The following TRO variants were observed in gnomAD, a reference collection of about 807,000 sequenced individuals.
TRO encodes trophinin.
A neutral mutation model predicts 42.3 loss-of-function variants in TRO; 29 were observed. The ratio of observed to expected loss-of-function variants is 0.68; its 90% CI spans 0.51 to 0.93. The LOEUF (loss-of-function observed/expected upper bound fraction) is 0.93, where lower values mean the gene tolerates loss of function less well. Ranked by LOEUF, TRO falls within the 40% of genes least tolerant of loss-of-function variation. TRO has a pLI of 0.00. For synonymous variants in TRO, 384 were observed against 425.2 expected, an observed-to-expected ratio of 0.90 and a Z score of 1.19; for missense variants, 963 against 1,127.7, an observed-to-expected ratio of 0.85 and a Z score of 2.09.
Position 54,928,605 on chromosome X carries a change from G to A in TRO, c.1881G>A (p.Val627=). ...KMKVLKFACR[V]QKKDPKDWAV... is the part of the protein sequence containing the mutation. ...TATGATTATCATCCCCATTTCAGGT[G>A]CAGAAGAAAGACCCCAAGGACTGGG... is the stretch of plus-strand genomic sequence containing the variant. Residue 627 remains valine, a splice_region_variant and synonymous_variant, in exon 12 of 13, where the codon GTG becomes GTA. Coordinates refer to ENST00000173898, the MANE Select transcript of TRO (RefSeq NM_001039705.3). The A allele has an allele frequency of 1.7e-6, 2 of 1,143,997 alleles. No homozygotes were observed. Among genetic ancestry groups the A allele is most frequent in the African/African-American group, 1.8e-5 (1 of 55,171 alleles). 94.3% of individuals were successfully genotyped at this position (1,143,997 alleles called of 1,213,427 possible). A position where few individuals can be genotyped will look rare whatever the true frequency, so the allele number is the denominator to read the frequency against.
At position 54,929,606 on chromosome X, in the gene TRO, G is replaced by A. The variant is rs1483980421; in HGVS notation, c.2882G>A (p.Gly961Asp). 4 of 1,211,376 alleles carry A rather than the reference G, an allele frequency of 3.3e-6. No homozygotes were observed. The highest frequency in any genetic ancestry group is 4.5e-6 in the Non-Finnish European group (4 of 895,225). ...GTLSTSICFD[G>D]SPSTGAGFGG... Reference sequence around the variant, plus strand: ...CTAAGTACCAGCATCTGCTTTGATGGCTCTCCCAGCACTGGTGCTGGCTTT... The same window carrying A: ...CTAAGTACCAGCATCTGCTTTGATGACTCTCCCAGCACTGGTGCTGGCTTT... The change falls in exon 12 of 13, where the codon GGC (glycine) becomes GAC (aspartate). Residue 961 changes from glycine (G) to aspartate (D), a missense_variant. Around this residue, in one of 2 missense-constraint regions of TRO, gnomAD observed 641 missense variants for 811.3 expected, o/e 0.79. Transcript: ENST00000173898.
chrX:54,924,605 C>T, intron 4 of TRO, 50 bp downstream of exon 4: 1 of 1,198,139 alleles, frequency 8.3e-7, no homozygotes, highest in Non-Finnish European at 1.1e-6. Flanking sequence ...TTGCCCTCTT[C>T]TCTGCCTCCT....
In TRO at chrX:54,929,298, CT is replaced by C. The variant is rs1316712451; in HGVS notation, c.2577del (p.Phe859LeufsTer95). 1 of 1,210,953 alleles carries C rather than the reference CT, an allele frequency of 8.3e-7. No individual in the cohort carries two copies. Among genetic ancestry groups the C allele is most frequent in the African/African-American group, 1.7e-5 (1 of 57,512 alleles). ...FGGTLSTTAG[F>X]SGVLSTSTSF... ...GAGGCACACTCAGCACCACGGCTGG[CT>C]TTAGTGGTGTACTCAGCACTAGCAC... is the stretch of plus-strand genomic sequence containing the variant. On this transcript the variant is annotated frameshift_variant, in exon 12 of 13. Transcript: ENST00000173898. LOFTEE classifies it low-confidence loss of function (END_TRUNC).
In TRO at chrX:54,925,605, A is replaced by G. The variant is rs746514166; in HGVS notation, c.1499A>G (p.Asn500Ser). 8.3e-7 allele frequency: 1 copy of G among 1,210,331 alleles called. No individual in the cohort carries two copies. Among genetic ancestry groups the G allele is most frequent in the Non-Finnish European group, 1.1e-6 (1 of 894,438 alleles). The part of the protein sequence containing the change: ...SYTLEKMFRV[N>S]LKEIDKQSSL... ...TTTACTTGGCAGATGTTTCGAGTCAATCTGAAAGAAATTGATAAGCAAAGT... is the reference window on the plus strand; with the variant it reads ...TTTACTTGGCAGATGTTTCGAGTCAGTCTGAAAGAAATTGATAAGCAAAGT... Residue 500 changes from asparagine to serine, a missense_variant, in exon 7 of 13, where the codon AAT (asparagine) becomes AGT (serine). By Grantham distance (46) the Asn-to-Ser change is conservative. This residue lies in a region of TRO where 641 missense variants were observed against 811.3 expected (regional missense o/e 0.79). Coordinates refer to ENST00000173898, the MANE Select transcript of TRO (RefSeq NM_001039705.3).
At chrX:54,921,479 C>T (rs1025555627) in intron 1 of TRO, 6 of 109,375 alleles carry the variant, frequency 5.5e-5, no homozygotes, top group African/African-American at 2.0e-4. Flanking sequence ...GTGAGGTATT[C>T]ATGTTGCAGA....
chrX:54,926,264 TG>T, intron 7 of TRO, 145 bp from the exon 8 acceptor site: 1 of 546,872 alleles, frequency 1.8e-6, no homozygotes. Flanking sequence ...AAGCAGAGAC[TG>T]GGCAGAATTC....
At chrX:54,928,575 C>G (rs749317897) in intron 11 of TRO, 28 bp from the exon 12 acceptor site, 6 of 1,136,588 alleles carry the variant, frequency 5.3e-6, no homozygotes, top group Non-Finnish European at 5.8e-6. Flanking sequence ...GGGTTGTTTT[C>G]TTATTATGAT....
chrX:54,923,881 G>C, intron 3 of TRO, 113 bp downstream of exon 3: 1 of 800,555 alleles, frequency 1.2e-6, no homozygotes, highest in Non-Finnish European at 1.8e-6. Context: ...CCTGTGTTCA[G>C]ATAGGCTGTG....
intron 3 of TRO, 66 bp from the exon 4 acceptor site, chrX:54,924,385 G>A: frequency 3.0e-6 from 3 of 1,006,528 alleles, no homozygotes; most frequent in Middle Eastern, 3.2e-4. Flanking sequence ...GAGCAGGCAA[G>A]GTGAGGAGAC....
rs1569546034 is a variant in TRO at position 54,922,978 on chromosome X, C to T, written c.446C>T (p.Ala149Val). The T allele has an allele frequency of 1.6e-6, 2 of 1,212,139 alleles. No individual in the cohort carries two copies. Among genetic ancestry groups the T allele is most frequent in the Non-Finnish European group, 2.2e-6 (2 of 895,647 alleles). Residue 149 changes from alanine (A) to valine (V), a missense_variant, in exon 3 of 13, where the codon GCA becomes GTA. This residue lies in a region of TRO where 322 missense variants were observed against 316.5 expected (regional missense o/e 1.02). Coordinates refer to ENST00000173898, the MANE Select transcript of TRO (RefSeq NM_001039705.3). ...ANKMKRVTAKAAQGSQSPTGH... is the reference protein window; with the variant it reads ...ANKMKRVTAKVAQGSQSPTGH... ...AAGATGAAGAGAGTTACTGCCAAGG[C>T]AGCCCAAGGCTCCCAATCCCCAACT...
At position 54,922,594 on chromosome X, in the gene TRO, C is replaced by A. The variant is rs60180407; in HGVS notation, c.62C>A (p.Pro21Gln). The part of the protein sequence containing the change: ...VPLFQGPLPP[P>Q]GSLGLPFPPD... ...AGTGTGTAGGGCCCTCTGCCTCCCC[C>A]GGGGAGCCTGGGGCTTCCCTTCCCT... Residue 21 changes from proline (P) to glutamine (Q), a missense_variant, in exon 3 of 13, where the codon CCG becomes CAG. Pro to Gln is a moderately conservative substitution (Grantham distance 76, BLOSUM62 -1). Transcript: ENST00000173898. 35 of 1,206,763 alleles carry A rather than the reference C, an allele frequency of 2.9e-5. No homozygotes were observed. Among genetic ancestry groups the A allele is most frequent in the Non-Finnish European group, 3.8e-5 (34 of 893,541 alleles).
intron 9 of TRO, 182 bp downstream of exon 9, chrX:54,926,807 C>T (rs1360180245): frequency 7.2e-6 from 5 of 698,889 alleles, no homozygotes; most frequent in Admixed American, 7.1e-5. Context: ...TGCTGTCTCT[C>T]TCCTTAATGT....
intron 10 of TRO, 41 bp from the exon 11 acceptor site, chrX:54,927,626 G>T: frequency 9.1e-7 from 1 of 1,094,952 alleles, no homozygotes; most frequent in Middle Eastern, 2.4e-4. Flanking sequence ...TAGACAGCAG[G>T]GTTGCTTGGT....
In TRO at chrX:54,929,654, C is replaced by G. The variant is rs979014861; in HGVS notation, c.2930C>G (p.Ala977Gly). 15 of 1,211,189 alleles carry G rather than the reference C, an allele frequency of 1.2e-5. No homozygotes were observed. The highest frequency in any genetic ancestry group is 1.7e-5 in the Non-Finnish European group (15 of 895,251). Residue 977 changes from alanine (A) to glycine (G), a missense_variant, in exon 12 of 13, where the codon GCC (alanine) becomes GGC (glycine). Transcript: ENST00000173898. The part of the protein sequence containing the change: ...AGFGGALNTS[A>G]SFGSVLNTST... ...TTTGGTGGTGCTCTCAACACCAGTG[C>G]CAGCTTTGGCAGTGTGCTCAACACC...
At chrX:54,927,928 CTAGATA>C in intron 11 of TRO, 147 bp downstream of exon 11, 1 of 441,746 alleles carries the variant, frequency 2.3e-6, no homozygotes, top group Non-Finnish European at 3.9e-6. Context: ...CAGGGTGCTG[CTAGATA>C]TATAGTTTAC....
At position 54,926,420 on chromosome X, in the gene TRO, A is replaced by G. The variant is rs760674835; in HGVS notation, c.1588A>G (p.Thr530Ala). The G allele has an allele frequency of 1.6e-5, 19 of 1,210,244 alleles. No individual in the cohort carries two copies. The highest frequency in any genetic ancestry group is 2.1e-5 in the Non-Finnish European group (19 of 895,110). Residue 530 changes from threonine to alanine, a missense_variant, in exon 8 of 13, where the codon ACA (threonine) becomes GCA (alanine). Physicochemically the swap from Thr to Ala is moderately conservative, Grantham distance 58. Around this residue, in one of 2 missense-constraint regions of TRO, gnomAD observed 641 missense variants for 811.3 expected, o/e 0.79. Transcript: ENST00000173898. ...CTGTTATTCCCTTAGGACCAAGGAC[A>G]CACCCAAGCTGGGTCTCCTCATGGT... is the stretch of plus-strand genomic sequence containing the variant. ...SAGILGTTKD[T>A]PKLGLLMVIL... is the part of the protein sequence containing the mutation.
rs781569184 is a variant in TRO, at chrX:54,930,457, A to G, written c.3733A>G (p.Thr1245Ala). The G allele has an allele frequency of 2.2e-5, 26 of 1,208,306 alleles. No homozygotes were observed. The highest frequency in any genetic ancestry group is 2.7e-5 in the Non-Finnish European group (24 of 894,616). ...TSSGFDGGLG[T>A]SAGFGGGPGT... ...TTCTGGCTTTGATGGTGGGCTAGGTACCAGCGCTGGCTTCGGTGGAGGACC... is the reference window on the plus strand; with the variant it reads ...TTCTGGCTTTGATGGTGGGCTAGGTGCCAGCGCTGGCTTCGGTGGAGGACC... The change falls in exon 12 of 13, where the codon ACC becomes GCC. Residue 1245 changes from threonine (T) to alanine (A), a missense_variant. By Grantham distance (58) the Thr-to-Ala change is moderately conservative (BLOSUM62 0). Coordinates refer to ENST00000173898, the MANE Select transcript of TRO (RefSeq NM_001039705.3).
chrX:54,929,552 C>G lies in TRO; in HGVS notation c.2828C>G (p.Ser943Cys). The change falls in exon 12 of 13, where the codon TCC becomes TGC. Residue 943 changes from serine to cysteine, a missense_variant. Around this residue, in one of 2 missense-constraint regions of TRO, gnomAD observed 641 missense variants for 811.3 expected, o/e 0.79. Transcript: ENST00000173898. ...LSTSVSFGGS[S>C]STSANFGGTL... ...ACCAGTGTCTCCTTTGGTGGCTCTTCCAGCACCAGTGCCAATTTTGGTGGT... is the reference window on the plus strand; with the variant it reads ...ACCAGTGTCTCCTTTGGTGGCTCTTGCAGCACCAGTGCCAATTTTGGTGGT... The G allele has an allele frequency of 8.3e-7, 1 of 1,211,383 alleles. No individual in the cohort carries two copies. Among genetic ancestry groups the G allele is most frequent in the Non-Finnish European group, 1.1e-6 (1 of 895,303 alleles).
rs1432060730 is a variant in TRO, at chrX:54,930,217, A to G, written c.3493A>G (p.Thr1165Ala). 1 of 1,211,611 alleles carries G rather than the reference A, an allele frequency of 8.3e-7. No individual in the cohort carries two copies. The highest frequency in any genetic ancestry group is 2.2e-5 in the Admixed American group (1 of 46,088). Residue 1165 changes from threonine to alanine, a missense_variant, in exon 12 of 13, where the codon ACT (threonine) becomes GCT (alanine). Physicochemically the swap from Thr to Ala is moderately conservative, Grantham distance 58. Around this residue, in one of 2 missense-constraint regions of TRO, gnomAD observed 641 missense variants for 811.3 expected, o/e 0.79. Transcript: ENST00000173898. Reference protein sequence around the residue: ...TSLCFGSASNTNLCFGGPPST... With the variant: ...TSLCFGSASNANLCFGGPPST... ...CCTCTGCTTTGGCAGTGCATCTAAT[A>G]CTAACCTATGCTTTGGTGGCCCTCC...
Sources: allele counts gnomAD v4.1 joint callset, GRCh38; gene constraint gnomAD v4.1.1; regional missense constraint gnomAD v4.1.1; transcripts MANE v1.5; gene names NCBI Gene and HGNC (gene_info 2026-07-23, HGNC 2026-07-21).